The following NEB variants were observed in gnomAD, a reference collection of about 807,000 sequenced individuals.
NEB encodes nebulin.
Under a neutral mutation model 952.2 loss-of-function variants are expected in NEB, and 512 were observed. That is an observed-to-expected ratio of 0.54 (90% CI 0.50 to 0.58). The LOEUF is 0.58. Ranked by LOEUF, NEB falls within the 20% of genes least tolerant of loss-of-function variation. The probability of loss-of-function intolerance (pLI) is 0.00; values close to 1 mark genes in which losing one functional copy is unlikely to be tolerated. For synonymous variants in NEB, 2,900 were observed against 3,149.8 expected (o/e 0.92, Z 2.66); for missense variants, 8,428 against 9,231.1 (o/e 0.91, Z 3.56).
intron 161 of NEB, among the ~76,000 whole-genome samples, chr2:151,510,316 T>C (rs115538815): frequency 0.01 from 1,557 of 152,326 alleles, 33 homozygotes; most frequent in African/African-American, 0.036. Flanking sequence ...TATTTTGTTA[T>C]GCTTTAAGGC....
At chr2:151,610,240 AC>A in intron 80 of NEB, 120 bp from the exon 81 acceptor site, 1 of 837,170 alleles carries the variant, frequency 1.2e-6, no homozygotes, top group Non-Finnish European at 1.8e-6. Context: ...GCATCTCTGA[AC>A]TATTATATTT....
At chr2:151,628,049 C>A (rs551850674) in intron 68 of NEB, among the ~76,000 whole-genome samples, 1 of 152,242 alleles carries the variant, frequency 6.6e-6, no homozygotes, top group East Asian at 1.9e-4. Flanking sequence ...AATAGTCTAA[C>A]AGCAACAGTC....
Position 151,650,205 on chromosome 2 carries a change from C to A in NEB, c.7402G>T (p.Ala2468Ser). Residue 2468 changes from alanine to serine, a missense_variant, in exon 54 of 182, where the codon GCA becomes TCA. By Grantham distance (99) the Ala-to-Ser change is moderately conservative (BLOSUM62 1). Around this residue, in one of 11 missense-constraint regions of NEB, gnomAD observed 1,772 missense variants for 1,960.3 expected, o/e 0.90. Coordinates refer to ENST00000397345, the MANE Select transcript of NEB (RefSeq NM_001164508.2). ...SIPDAMDIVL[A>S]KTNAKNRSDR... is the part of the protein sequence containing the mutation. ...CTCCTATTTTTGGCATTTGTCTTTG[C>A]CAGAACTATATCCATGGCATCAGGA... The A allele has an allele frequency of 6.2e-7, 1 of 1,613,844 alleles. No individual in the cohort carries two copies. Among genetic ancestry groups the A allele is most frequent in the Non-Finnish European group, 8.5e-7 (1 of 1,179,828 alleles).
intron 46 of NEB, among the ~76,000 whole-genome samples, chr2:151,661,198 C>T (rs544598491): frequency 6.6e-5 from 10 of 152,080 alleles, no homozygotes; most frequent in Non-Finnish European, 1.3e-4. Context: ...CTCCTCTTGG[C>T]ATCATTATCC....
intron 71 of NEB, among the ~76,000 whole-genome samples, chr2:151,621,589 T>C (rs1226306957): frequency 1.3e-5 from 2 of 152,202 alleles, no homozygotes; most frequent in East Asian, 3.8e-4. Context: ...GAGTCAAAAC[T>C]GCAAAACTTT....
At position 151,679,947 on chromosome 2, in the gene NEB, C is replaced by T; in HGVS notation, c.3118G>A (p.Ala1040Thr). ...LPPDLPQFIQ[A>T]KVNAYNISEN... Reference sequence around the variant, plus strand: ...CTGATATTGTAGGCATTAACTTTAGCCTGGATGAACTGGGGCAGGTCTGGT... The same window carrying T: ...CTGATATTGTAGGCATTAACTTTAGTCTGGATGAACTGGGGCAGGTCTGGT... Residue 1040 changes from alanine (A) to threonine (T), a missense_variant, in exon 31 of 182, where the codon GCT becomes ACT. Coordinates refer to ENST00000397345, the MANE Select transcript of NEB (RefSeq NM_001164508.2). The T allele has an allele frequency of 6.2e-7, 1 of 1,613,680 alleles. No individual in the cohort carries two copies. Among genetic ancestry groups the T allele is most frequent in the South Asian group, 1.1e-5 (1 of 91,086 alleles).
Position 151,618,478 on chromosome 2 carries a change from T to C in NEB, c.10873A>G (p.Asn3625Asp). The C allele has an allele frequency of 6.2e-7, 1 of 1,612,618 alleles. No homozygotes were observed. ...ARKAYDLQSD[N>D]LYKSDLEWMK... The stretch of plus-strand genomic sequence containing the variant: ...CATTCAAGGTCTGACTTATACAAAT[T>C]CTGCAGATCAACAGATAAGAAACAG... The change falls in exon 74 of 182, where the codon AAT becomes GAT. Residue 3625 changes from asparagine to aspartate, a missense_variant and splice_region_variant. By Grantham distance (23) the Asn-to-Asp change is conservative (BLOSUM62 1). Transcript: ENST00000397345.
chr2:151,634,318 G>C (rs1032179411), intron 64 of NEB, among the ~76,000 whole-genome samples: 7 of 152,262 alleles, frequency 4.6e-5, no homozygotes, highest in African/African-American at 1.7e-4. Flanking sequence ...GTCAGGAAGA[G>C]GGTGCACTTG....
chr2:151,535,855 A>G (rs1193542223), intron 141 of NEB, 60 bp from the exon 142 acceptor site: 1 of 864,790 alleles, frequency 1.2e-6, no homozygotes, highest in Non-Finnish European at 1.8e-6. Flanking sequence ...AGAATGAGAC[A>G]TGCTGTTTAT....
intron 168 of NEB, 110 bp from the exon 169 acceptor site, chr2:151,499,500 A>G: frequency 3.1e-6 from 2 of 655,456 alleles, no homozygotes; most frequent in Non-Finnish European, 2.7e-6. Context: ...CAGAAAAGAC[A>G]GATTCAACAA....
At chr2:151,486,448 T>G in intron 181 of NEB, 1 of 158,286 alleles carries the variant, frequency 6.3e-6, no homozygotes, top group Non-Finnish European at 1.4e-5. Context: ...TTGGCAGTTA[T>G]CACATGTTAA....
chr2:151,610,037 A>T lies in NEB; in HGVS notation c.12102T>A (p.Cys4034Ter). 1 of 1,613,824 alleles carries T rather than the reference A, an allele frequency of 6.2e-7. No individual in the cohort carries two copies. Among genetic ancestry groups the T allele is most frequent in the Non-Finnish European group, 8.5e-7 (1 of 1,179,828 alleles). Residue 4034 changes from cysteine (C) to a stop codon, truncating the protein, a stop_gained, in exon 81 of 182, where the codon TGT (cysteine) becomes TGA (stop). Coordinates refer to ENST00000397345, the MANE Select transcript of NEB (RefSeq NM_001164508.2). LOFTEE classifies it high-confidence loss of function. ...QSIEDDPKIM[C>*]AIHAGKIQSE... ...TTTGAATTTTTCCTGCATGTATGGC[A>T]CACATAATCTTGGGATCATCTTCAA...
At chr2:151,530,081 G>T (rs1000093799) in intron 145 of NEB, among the ~76,000 whole-genome samples, 1 of 151,872 alleles carries the variant, frequency 6.6e-6, no homozygotes, top group African/African-American at 2.4e-5. Flanking sequence ...TTCCATTAAG[G>T]ACCCCTTAAG....
intron 9 of NEB, among the ~76,000 whole-genome samples, chr2:151,718,809 T>C (rs561123550): frequency 1.3e-5 from 2 of 152,356 alleles, no homozygotes; most frequent in African/African-American, 4.8e-5. Flanking sequence ...AAATAATGCA[T>C]ATCCTTCTCT....
At chr2:151,560,797 TC>T (rs3214502) in intron 123 of NEB, 98 bp from the exon 124 acceptor site, 1 of 876,534 alleles carries the variant, frequency 1.1e-6, no homozygotes, top group South Asian at 1.7e-5. Context: ...TCTCACACAC[TC>T]CCTACTAACT....
chr2:151,551,753 G>T lies in NEB; in HGVS notation c.19929C>A (p.Tyr6643Ter). ...CACTGCTCACCGAACTCTGGAGCTT[G>T]TATGCATGAAGGGCCCGGTCCAGAT... Reference protein sequence around the residue: ...TVDLDRALHAYKLQSSNLYKT... With the variant: ...TVDLDRALHA Residue 6643 changes from tyrosine to a stop codon, truncating the protein, a stop_gained, in exon 129 of 182, where the codon TAC (tyrosine) becomes TAA (stop). Transcript: ENST00000397345. LOFTEE classifies it high-confidence loss of function. 6.2e-7 allele frequency: 1 copy of T among 1,613,470 alleles called. No individual in the cohort carries two copies. Among genetic ancestry groups the T allele is most frequent in the African/African-American group, 1.3e-5 (1 of 75,038 alleles).
chr2:151,524,254 G>T (rs2153436753), intron 153 of NEB, 57 bp downstream of exon 153: 1 of 1,413,266 alleles, frequency 7.1e-7, no homozygotes, highest in Non-Finnish European at 1.0e-6. Context: ...ACTTCTTCCT[G>T]CAAGGTCTTT....
chr2:151,498,296 C>A lies in NEB; in HGVS notation c.24171G>T (p.Met8057Ile), dbSNP rs758996758. 146 of 1,551,402 alleles carry A rather than the reference C, an allele frequency of 9.4e-5. No homozygotes were observed. The highest frequency in any genetic ancestry group is 1.7e-4 in the Middle Eastern group (1 of 6,010). ...TGIPIPITPEMQRVKHNQENL... is the reference protein window; with the variant it reads ...TGIPIPITPEIQRVKHNQENL... ...TTTCTTGATTGTGTTTGACTCTCTG[C>A]ATCTCAGGAGTGATGGGGATTGGAA... The change falls in exon 170 of 182, where the codon ATG (methionine) becomes ATT (isoleucine). Residue 8057 changes from methionine (M) to isoleucine (I), a missense_variant. Around this residue, in one of 11 missense-constraint regions of NEB, gnomAD observed 3,374 missense variants for 3,651.5 expected, o/e 0.92. Transcript: ENST00000397345.
chr2:151,538,493 G>A (rs774844077), intron 138 of NEB, among the ~76,000 whole-genome samples: 30 of 152,260 alleles, frequency 2.0e-4, no homozygotes, highest in Non-Finnish European at 2.9e-4. Context: ...GCAAATCTAC[G>A]ATGGTGATAC....
Sources: gnomAD v4.1 joint callset for allele counts (sites outside exome capture counted in the v4.1 genomes callset) on GRCh38, gnomAD v4.1.1 for gene constraint, gnomAD v4.1.1 regional missense constraint, MANE v1.5 for transcripts, NCBI Gene and HGNC (gene_info 2026-07-23, HGNC 2026-07-21) for gene names.